The following SPAG16 variants were observed in gnomAD, a reference collection of about 807,000 sequenced individuals.
The protein encoded by SPAG16 is sperm-associated antigen 16 protein.
SPAG16 carries 86 observed loss-of-function variants against 80.4 expected under a neutral mutation model. The ratio of observed to expected loss-of-function variants is 1.07; its 90% CI spans 0.90 to 1.28. The LOEUF (loss-of-function observed/expected upper bound fraction) is 1.28, where lower values mean the gene tolerates loss of function less well. Among genes scored for constraint, SPAG16 ranks in the 50% most tolerant of loss-of-function variants. SPAG16 has a pLI of 0.00. For synonymous variants in SPAG16, 294 were observed against 265.9 expected (o/e 1.11, Z -1.03); for missense variants, 870 against 765.3 (o/e 1.14, Z -1.61).
At chr2:213,690,761 CT>C (rs1432146176) in intron 10 of SPAG16, among the ~76,000 whole-genome samples, 2 of 152,144 alleles carry the variant, frequency 1.3e-5, no homozygotes, top group Non-Finnish European at 2.9e-5. Flanking sequence ...TCCTCGTGCC[CT>C]TGGATATTAA....
intron 15 of SPAG16, among the ~76,000 whole-genome samples, chr2:214,284,116 A>G (rs1383774405): frequency 1.3e-5 from 2 of 152,190 alleles, no homozygotes; most frequent in African/African-American, 4.8e-5. Flanking sequence ...TCATATCCTT[A>G]TATAGCACCC....
chr2:214,045,469 T>C (rs2049265224), intron 13 of SPAG16, among the ~76,000 whole-genome samples: 1 of 152,196 alleles, frequency 6.6e-6, no homozygotes, highest in Non-Finnish European at 1.5e-5. Flanking sequence ...CATTCCAAGA[T>C]GTGGTAACTA....
intron 9 of SPAG16, among the ~76,000 whole-genome samples, chr2:213,405,289 G>A (rs1471543953): frequency 6.6e-6 from 1 of 152,046 alleles, no homozygotes; most frequent in Admixed American, 6.5e-5. Flanking sequence ...GTAAATGATT[G>A]TCCTAATTTA....
At chr2:213,523,723 A>G (rs969073037) in intron 10 of SPAG16, among the ~76,000 whole-genome samples, 4 of 152,158 alleles carry the variant, frequency 2.6e-5, no homozygotes, top group Non-Finnish European at 5.9e-5. Flanking sequence ...GAACTTGGGA[A>G]CTGAAGCAAA....
chr2:214,399,859 T>A (rs757182323), intron 15 of SPAG16, among the ~76,000 whole-genome samples: 28 of 152,092 alleles, frequency 1.8e-4, no homozygotes, highest in Non-Finnish European at 2.5e-4. Context: ...TCCTCTGTTA[T>A]CAGCAAAAGC....
At chr2:214,246,418 G>A (rs1340010150) in intron 15 of SPAG16, among the ~76,000 whole-genome samples, 2 of 152,038 alleles carry the variant, frequency 1.3e-5, no homozygotes, top group African/African-American at 4.8e-5. Context: ...GAACTCCCTT[G>A]TTACTAATAG....
At chr2:214,041,464 T>G (rs572585333) in intron 13 of SPAG16, among the ~76,000 whole-genome samples, 1 of 151,440 alleles carries the variant, frequency 6.6e-6, no homozygotes, top group Non-Finnish European at 1.5e-5. Flanking sequence ...TTTTTTTTTT[T>G]AAATCATGGC....
At chr2:213,588,515 A>G (rs995994493) in intron 10 of SPAG16, among the ~76,000 whole-genome samples, 16 of 151,256 alleles carry the variant, frequency 1.1e-4, no homozygotes, top group African/African-American at 3.9e-4. Flanking sequence ...AAGACTCCCT[A>G]TCCATGGCCG....
Position 213,894,772 on chromosome 2 carries a change from C to T in SPAG16, c.1214+32144C>T, listed in dbSNP as rs866629360. Among the ~76,000 whole-genome samples, 63 of 151,826 alleles carry T rather than the reference C, an allele frequency of 4.1e-4. 1 individual carries two copies. Among genetic ancestry groups the T allele is most frequent in the Admixed American group, 5.9e-4 (9 of 15,222 alleles). On this transcript the variant is annotated intron_variant, in intron 11 of 15. Transcript: ENST00000331683. ...TTGGGAGGCTGAGGCAGGAAGATCA[C>T]GAGGTCAGGAGATTGAGACCATCCT...
intron 10 of SPAG16, among the ~76,000 whole-genome samples, chr2:213,493,278 TC>T (rs1164554448): frequency 6.6e-6 from 1 of 152,186 alleles, no homozygotes; most frequent in East Asian, 1.9e-4. Flanking sequence ...TATGTTTTTT[TC>T]CCCTCTGGAG....
intron 5 of SPAG16, among the ~76,000 whole-genome samples, chr2:213,320,244 TATG>T (rs1233839063): frequency 2.0e-5 from 3 of 152,004 alleles, no homozygotes; most frequent in Non-Finnish European, 4.4e-5. Context: ...TACATTTATA[TATG>T]ATAATTGTAC....
intron 13 of SPAG16, among the ~76,000 whole-genome samples, chr2:214,016,223 A>G (rs2047585002): frequency 6.6e-6 from 1 of 152,174 alleles, no homozygotes; most frequent in Non-Finnish European, 1.5e-5. Flanking sequence ...AAGAGGTTTA[A>G]TGAACTCACA....
intron 15 of SPAG16, among the ~76,000 whole-genome samples, chr2:214,407,315 A>C (rs1574537701): frequency 6.6e-6 from 1 of 152,078 alleles, no homozygotes; most frequent in Non-Finnish European, 1.5e-5. Flanking sequence ...ATGTTACAAG[A>C]CAATATTTTG....
At chr2:214,084,199 C>A (rs2051568498) in intron 13 of SPAG16, among the ~76,000 whole-genome samples, 1 of 152,160 alleles carries the variant, frequency 6.6e-6, no homozygotes, top group Admixed American at 6.5e-5. Flanking sequence ...CTCAGTCTCT[C>A]CCCTCTCTAA....
chr2:213,450,561 T>G (rs1457275146), intron 9 of SPAG16, among the ~76,000 whole-genome samples: 1 of 152,224 alleles, frequency 6.6e-6, no homozygotes, highest in East Asian at 1.9e-4. Context: ...TTATCTTCTT[T>G]AAATTTACTT....
intron 15 of SPAG16, among the ~76,000 whole-genome samples, chr2:214,354,721 T>C (rs1698661152): frequency 6.6e-6 from 1 of 151,784 alleles, no homozygotes; most frequent in African/African-American, 2.4e-5. Flanking sequence ...TCACATCCCT[T>C]GTAAGTTGGA....
At chr2:213,739,997 G>A (rs2067472369) in intron 10 of SPAG16, among the ~76,000 whole-genome samples, 1 of 151,906 alleles carries the variant, frequency 6.6e-6, no homozygotes, top group Admixed American at 6.6e-5. Flanking sequence ...TAGTTTTTAG[G>A]GCAACAATAC....
At chr2:213,588,485 C>A (rs2060546831) in intron 10 of SPAG16, among the ~76,000 whole-genome samples, 1 of 149,334 alleles carries the variant, frequency 6.7e-6, no homozygotes. Flanking sequence ...TCCAAAAGTA[C>A]AATATAGTGA....
intron 10 of SPAG16, among the ~76,000 whole-genome samples, chr2:213,530,373 G>C (rs981865765): frequency 6.6e-6 from 1 of 152,070 alleles, no homozygotes; most frequent in Non-Finnish European, 1.5e-5. Flanking sequence ...GATTTTTTCA[G>C]CTCCTTTGTA....
Sources: allele counts gnomAD v4.1 joint callset (sites outside exome capture counted in the v4.1 genomes callset), GRCh38; gene constraint gnomAD v4.1.1; transcripts MANE v1.5; gene names NCBI Gene and HGNC (gene_info 2026-07-23, HGNC 2026-07-21).